NRXN3: variants seen among roughly 807,000 people sequenced by gnomAD.
NRXN3 encodes neurexin III.
NRXN3 carries 32 observed loss-of-function variants against 137.6 expected under a neutral mutation model. That is an observed-to-expected ratio of 0.23 (90% CI 0.18 to 0.31). The LOEUF is 0.31. Among genes scored for constraint, NRXN3 ranks in the 10% least tolerant of loss-of-function variants. The pLI is 1.00. For synonymous variants in NRXN3, 798 were observed against 784.5 expected (o/e 1.02, Z -0.29); for missense variants, 1,574 against 2,062.5 (o/e 0.76, Z 4.59).
intron 15 of NRXN3, among the ~76,000 whole-genome samples, chr14:79,176,205 G>A (rs2062324743): frequency 6.6e-6 from 1 of 152,126 alleles, no homozygotes; most frequent in African/African-American, 2.4e-5. Context: ...TTTGTCTTCT[G>A]CCTCACTCCA....
intron 4 of NRXN3, among the ~76,000 whole-genome samples, chr14:78,339,104 A>G (rs963290783): frequency 6.6e-6 from 1 of 152,124 alleles, no homozygotes; most frequent in Non-Finnish European, 1.5e-5. Context: ...CAAATAGACT[A>G]TTTGCCTAGG....
intron 14 of NRXN3, among the ~76,000 whole-genome samples, chr14:78,979,153 T>G (rs569364090): frequency 6.6e-6 from 1 of 152,284 alleles, no homozygotes; most frequent in East Asian, 1.9e-4. Flanking sequence ...GTTAAAATGC[T>G]AATCTCATTT....
intron 10 of NRXN3, among the ~76,000 whole-genome samples, chr14:78,815,604 A>G (rs899694606): frequency 6.8e-6 from 1 of 147,416 alleles, no homozygotes; most frequent in African/African-American, 2.5e-5. Flanking sequence ...TAATTTAGGC[A>G]TAGTTTAGTG....
intron 15 of NRXN3, among the ~76,000 whole-genome samples, chr14:79,221,105 T>A (rs550803512): frequency 7.4e-4 from 113 of 152,196 alleles, no homozygotes; most frequent in African/African-American, 2.6e-3. Context: ...ATGGCTGCAT[T>A]GTATTCCATG....
intron 17 of NRXN3, among the ~76,000 whole-genome samples, chr14:79,687,004 A>C (rs2098697970): frequency 6.6e-6 from 1 of 152,086 alleles, no homozygotes; most frequent in Admixed American, 6.5e-5. Context: ...GGGTCTATTA[A>C]TTTACTTCCC....
At chr14:79,297,822 T>A (rs191898207) in intron 15 of NRXN3, among the ~76,000 whole-genome samples, 4 of 152,216 alleles carry the variant, frequency 2.6e-5, no homozygotes, top group Admixed American at 1.3e-4. Flanking sequence ...TTCAAATTAT[T>A]AGTGATCAGG....
intron 4 of NRXN3, among the ~76,000 whole-genome samples, chr14:78,374,043 T>C (rs2087351434): frequency 6.6e-6 from 1 of 152,206 alleles, no homozygotes; most frequent in Non-Finnish European, 1.5e-5. Context: ...CATGTAGGCA[T>C]AAAAGTGGGG....
At position 78,538,914 on chromosome 14, in the gene NRXN3, G is replaced by A. The variant is rs1326865918; in HGVS notation, c.758-106206G>A. The stretch of plus-strand genomic sequence containing the variant: ...TGGTGCTGTTTATGTGATGGATTAC[G>A]TTTATTGATTTGTGTATCTTGAACC... On this transcript the variant is annotated intron_variant, in intron 4 of 20. Transcript: ENST00000335750. 4.6e-5 allele frequency among the ~76,000 whole-genome samples: 7 copies of A among 152,232 alleles called. 1 individual carries two copies. The South Asian group carries it at 6.2e-4, about 14-fold the overall frequency.
intron 16 of NRXN3, among the ~76,000 whole-genome samples, chr14:79,493,553 G>A (rs2096737579): frequency 6.6e-6 from 1 of 152,174 alleles, no homozygotes; most frequent in Non-Finnish European, 1.5e-5. Context: ...TAGAAAAAAA[G>A]CATAGTGACT....
At chr14:79,726,901 G>T (rs1036717892) in intron 19 of NRXN3, among the ~76,000 whole-genome samples, 8 of 152,090 alleles carry the variant, frequency 5.3e-5, no homozygotes, top group African/African-American at 1.9e-4. Context: ...CCGCTTTGAG[G>T]TCAAGCAGAC....
intron 15 of NRXN3, among the ~76,000 whole-genome samples, chr14:79,077,452 T>C (rs1012987620): frequency 1.3e-5 from 2 of 152,220 alleles, no homozygotes; most frequent in African/African-American, 4.8e-5. Context: ...TCTTCTGTAG[T>C]TAAATTATTA....
At chr14:79,286,319 T>G (rs2082247201) in intron 15 of NRXN3, among the ~76,000 whole-genome samples, 1 of 152,090 alleles carries the variant, frequency 6.6e-6, no homozygotes, top group Non-Finnish European at 1.5e-5. Flanking sequence ...ATCTCAGCCT[T>G]TGGTGAAAAC....
chr14:78,223,162 G>A (rs1203847699), intron 1 of NRXN3, among the ~76,000 whole-genome samples: 1 of 152,196 alleles, frequency 6.6e-6, no homozygotes, highest in Non-Finnish European at 1.5e-5. Flanking sequence ...ACGTGAAAAT[G>A]TTTCAGACCT....
At chr14:79,857,969 T>C (rs978782516) in intron 20 of NRXN3, among the ~76,000 whole-genome samples, 1 of 152,118 alleles carries the variant, frequency 6.6e-6, no homozygotes, top group Non-Finnish European at 1.5e-5. Flanking sequence ...AAACTAGAGA[T>C]CAGTAGTTCT....
chr14:79,179,673 T>C (rs768604625), intron 15 of NRXN3, among the ~76,000 whole-genome samples: 11 of 152,224 alleles, frequency 7.2e-5, no homozygotes, highest in Non-Finnish European at 1.6e-4. Flanking sequence ...TGGAGAGGTC[T>C]GATTATCTTT....
At chr14:78,304,066 G>T (rs2077126073) in intron 4 of NRXN3, among the ~76,000 whole-genome samples, 1 of 152,210 alleles carries the variant, frequency 6.6e-6, no homozygotes, top group Admixed American at 6.5e-5. Context: ...CAACACTGAT[G>T]TTAGTAATGA....
Position 79,091,987 on chromosome 14 carries a change from A to G in NRXN3, c.3262+103846A>G, listed in dbSNP as rs568863274. On this transcript the variant is annotated intron_variant, in intron 15 of 20. Transcript: ENST00000335750. ...GATTTCTACTGATCTAGAAAAAAAT[A>G]AAGTTATTATTAAAAAGGAAATCTA... Among the ~76,000 whole-genome samples, 6 of 152,322 alleles carry G rather than the reference A, an allele frequency of 3.9e-5. No individual in the cohort carries two copies. In the East Asian group the frequency reaches 9.6e-4, roughly 24 times the overall value.
intron 15 of NRXN3, among the ~76,000 whole-genome samples, chr14:79,262,625 A>G (rs2077802532): frequency 6.6e-6 from 1 of 152,214 alleles, no homozygotes; most frequent in African/African-American, 2.4e-5. Flanking sequence ...ATTTGTCAAA[A>G]GCATAATGCT....
chr14:79,704,015 G>C (rs2154036780), intron 19 of NRXN3, among the ~76,000 whole-genome samples: 1 of 152,174 alleles, frequency 6.6e-6, no homozygotes, highest in Middle Eastern at 3.4e-3. Flanking sequence ...ACAAGGGCCT[G>C]GATTGTGAGT....
Sources: allele counts gnomAD v4.1 joint callset (sites outside exome capture counted in the v4.1 genomes callset), GRCh38; gene constraint gnomAD v4.1.1; transcripts MANE v1.5; gene names NCBI Gene and HGNC (gene_info 2026-07-23, HGNC 2026-07-21).